The following ZZEF1 variants were observed in gnomAD, a reference collection of about 807,000 sequenced individuals.
ZZEF1 encodes zinc finger ZZ-type and EF-hand domain containing 1.
ZZEF1 carries 157 observed loss-of-function variants against 342.8 expected under a neutral mutation model. The ratio of observed to expected loss-of-function variants is 0.46; its 90% CI spans 0.40 to 0.52. The LOEUF (loss-of-function observed/expected upper bound fraction) is 0.52, where lower values mean the gene tolerates loss of function less well. ZZEF1 is among the 20% of genes least tolerant of loss of function. ZZEF1 has a pLI of 0.00. For synonymous variants in ZZEF1, 1,505 were observed against 1,429.1 expected (o/e 1.05, Z -1.20); for missense variants, 3,480 against 3,725.6 (o/e 0.93, Z 1.72).
At chr17:4,032,010 G>A in intron 42 of ZZEF1, 116 bp downstream of exon 42, 1 of 1,142,500 alleles carries the variant, frequency 8.8e-7, no homozygotes, top group South Asian at 1.6e-5. Context: ...GCTATAACTT[G>A]TTCTTTAAAA....
intron 21 of ZZEF1, chr17:4,076,424 C>T (rs1038615151): frequency 4.3e-4 from 204 of 469,798 alleles, no homozygotes; most frequent in Non-Finnish European, 6.4e-4. Flanking sequence ...TGAGCCACTG[C>T]GCCCGGCCTC....
intron 6 of ZZEF1, among the ~76,000 whole-genome samples, chr17:4,106,983 T>C (rs1467796004): frequency 1.3e-5 from 2 of 152,208 alleles, no homozygotes; most frequent in Non-Finnish European, 2.9e-5. Context: ...GTCTACACAA[T>C]GAGCCATTTT....
At chr17:4,089,660 T>C in intron 12 of ZZEF1, among the ~76,000 whole-genome samples, 1 of 125,580 alleles carries the variant, frequency 8.0e-6, no homozygotes, top group African/African-American at 3.1e-5. Flanking sequence ...CTCACTATTC[T>C]CTCAGCCTGA....
intron 38 of ZZEF1, among the ~76,000 whole-genome samples, chr17:4,042,910 G>T (rs1346015615): frequency 6.6e-6 from 1 of 152,210 alleles, no homozygotes; most frequent in Non-Finnish European, 1.5e-5. Context: ...TCGAACTCTT[G>T]ACCTCAAGTG....
chr17:4,007,687 G>T (rs543059805), intron 54 of ZZEF1, among the ~76,000 whole-genome samples: 1 of 152,160 alleles, frequency 6.6e-6, no homozygotes, highest in Non-Finnish European at 1.5e-5. Flanking sequence ...GGTAGCTGTT[G>T]GGGGTAAGGG....
Position 4,009,724 on chromosome 17 carries a change from C to G in ZZEF1, c.8613G>C (p.Leu2871=), listed in dbSNP as rs1309421874. Residue 2871 remains leucine, a synonymous_variant, in exon 53 of 55, where the codon CTG becomes CTC. Transcript: ENST00000381638. ...ACTCCATGTGGGTAAAGAGCTGCCA[C>G]AGGGGCTTCAACAGCGCAAGGTCAC... The part of the protein sequence containing the change: ...DLCDLALLKP[L]WQLFTHMEYG... 1.9e-6 allele frequency: 3 copies of G among 1,614,004 alleles called. No individual in the cohort carries two copies. The African/African-American group carries it at 4.0e-5, about 22-fold the overall frequency.
At chr17:4,072,311 A>G (rs1431841868) in intron 25 of ZZEF1, among the ~76,000 whole-genome samples, 1 of 152,268 alleles carries the variant, frequency 6.6e-6, no homozygotes, top group Non-Finnish European at 1.5e-5. Flanking sequence ...AGCTTGACTC[A>G]GTAGGCACTA....
chr17:4,033,187 T>A, intron 40 of ZZEF1, 185 bp from the exon 41 acceptor site: 1 of 568,950 alleles, frequency 1.8e-6, no homozygotes, highest in South Asian at 3.0e-5. Flanking sequence ...CAAGACTTGT[T>A]ACTTACATAC....
rs1477505101 is a variant in ZZEF1, at chr17:4,142,885, G to A, written c.11C>T (p.Ala4Val). ...TTCGTCTTCACTGCTGTGACTCGGA[G>A]CGTTCCCCATGGGGTCTCCGTCTTG... MGNAPSHSSEDEAA... is the reference protein window; with the variant it reads MGNVPSHSSEDEAA... Residue 4 changes from alanine (A) to valine (V), a missense_variant, in exon 1 of 55, where the codon GCT becomes GTT. Ala to Val is a moderately conservative substitution (Grantham distance 64, BLOSUM62 0). Around this residue, in one of 5 missense-constraint regions of ZZEF1, gnomAD observed 416 missense variants for 374.2 expected, o/e 1.11. Transcript: ENST00000381638. 1.5e-6 allele frequency: 2 copies of A among 1,364,930 alleles called. No individual in the cohort carries two copies. The highest frequency in any genetic ancestry group is 9.4e-7 in the Non-Finnish European group (1 of 1,068,240). 84.6% of individuals were successfully genotyped at this position (1,364,930 alleles called of 1,614,324 possible). A position where few individuals can be genotyped will look rare whatever the true frequency, so the allele number is the denominator to read the frequency against.
In ZZEF1 at chr17:4,142,610, T is replaced by C; in HGVS notation, c.286A>G (p.Thr96Ala). 6.2e-7 allele frequency: 1 copy of C among 1,604,694 alleles called. No individual in the cohort carries two copies. Among genetic ancestry groups the C allele is most frequent in the Middle Eastern group, 1.7e-4 (1 of 6,050 alleles). ...AGCAGCTCCCGGAACTGCTCCAGAG[T>C]GACAGACTCTTCGCCGCGGCCCAGC... ...ERLGRGEESVTLEQFRELLEA... is the reference protein window; with the variant it reads ...ERLGRGEESVALEQFRELLEA... Residue 96 changes from threonine (T) to alanine (A), a missense_variant, in exon 1 of 55, where the codon ACT (threonine) becomes GCT (alanine). Thr to Ala is a moderately conservative substitution (Grantham distance 58). Transcript: ENST00000381638.
intron 14 of ZZEF1, 51 bp downstream of exon 14, chr17:4,087,381 ACT>A: frequency 6.9e-7 from 1 of 1,450,684 alleles, no homozygotes; most frequent in South Asian, 1.3e-5. Context: ...GAATAGTAAA[ACT>A]CATTGTTTTC....
Position 4,044,274 on chromosome 17 carries a change from G to A in ZZEF1, c.6116C>T (p.Thr2039Ile). ...VSLSKDPSCQTQISDSPADAS... is the reference protein window; with the variant it reads ...VSLSKDPSCQIQISDSPADAS... Reference sequence around the variant, plus strand: ...ATCTGCAGGTGAATCTGAAATTTGGGTCTGGCATGAAGGATCCTTCGATAA... The same window carrying A: ...ATCTGCAGGTGAATCTGAAATTTGGATCTGGCATGAAGGATCCTTCGATAA... The change falls in exon 38 of 55, where the codon ACC (threonine) becomes ATC (isoleucine). Residue 2039 changes from threonine to isoleucine, a missense_variant. Physicochemically the swap from Thr to Ile is moderately conservative, Grantham distance 89 (BLOSUM62 -1). This residue lies in a region of ZZEF1 where 1,269 missense variants were observed against 1,342.4 expected (regional missense o/e 0.95). Transcript: ENST00000381638. The A allele has an allele frequency of 1.9e-6, 3 of 1,614,158 alleles. No individual in the cohort carries two copies. Among genetic ancestry groups the A allele is most frequent in the Non-Finnish European group, 2.5e-6 (3 of 1,180,010 alleles).
intron 18 of ZZEF1, among the ~76,000 whole-genome samples, chr17:4,078,305 CT>C (rs1326430545): frequency 6.6e-6 from 1 of 152,180 alleles, no homozygotes; most frequent in Non-Finnish European, 1.5e-5. Context: ...CCTTACCCCC[CT>C]GGGTATCTCT....
chr17:4,061,372 C>G (rs981156096), intron 30 of ZZEF1, among the ~76,000 whole-genome samples: 2 of 152,098 alleles, frequency 1.3e-5, no homozygotes, highest in Non-Finnish European at 2.9e-5. Flanking sequence ...TGCTTGACTT[C>G]TAGGTAAAGA....
rs547578661 is a variant in ZZEF1 at position 4,016,215 on chromosome 17, C to A, written c.8145+108G>T. 3,318 of 1,362,632 alleles carry A rather than the reference C, an allele frequency of 2.4e-3. No individual in the cohort carries two copies. Among genetic ancestry groups the A allele is most frequent in the Non-Finnish European group, 3.1e-3 (3,081 of 1,000,754 alleles). 84.4% of individuals were successfully genotyped at this position (1,362,632 alleles called of 1,614,324 possible). On this transcript the variant is annotated intron_variant, in intron 49 of 54. Transcript: ENST00000381638. The surrounding 1 kb of genome is among the most constrained non-coding windows in gnomAD (Gnocchi z 4.4). ...TCCTGGACAGGTCTCTGCTGTCCAG[C>A]GGGAGAGAGCCACAGAGGGGCTGAG...
Position 4,142,879 on chromosome 17 carries a change from C to T in ZZEF1, c.17G>A (p.Ser6Asn). 1 of 1,371,428 alleles carries T rather than the reference C, an allele frequency of 7.3e-7. No individual in the cohort carries two copies. The highest frequency in any genetic ancestry group is 9.3e-7 in the Non-Finnish European group (1 of 1,071,522). 85.0% of individuals were successfully genotyped at this position (1,371,428 alleles called of 1,614,324 possible). MGNAP[S>N]HSSEDEAAAA... ...TGCCGCTTCGTCTTCACTGCTGTGA[C>T]TCGGAGCGTTCCCCATGGGGTCTCC... The change falls in exon 1 of 55, where the codon AGT (serine) becomes AAT (asparagine). Residue 6 changes from serine to asparagine, a missense_variant. Physicochemically the swap from Ser to Asn is conservative, Grantham distance 46. This residue lies in a region of ZZEF1 where 416 missense variants were observed against 374.2 expected (regional missense o/e 1.11). Transcript: ENST00000381638.
rs1206423490 is a variant in ZZEF1 at position 4,034,097 on chromosome 17, C to T, written c.6502G>A (p.Ala2168Thr). ...KVLSAKHNLF[A>T]AGDSSIVPDG... ...GGCACAATGGAACTGTCCCCTGCAG[C>T]AAACAGGTTGTGTTTGGCTGAGAGG... is the stretch of plus-strand genomic sequence containing the variant. The change falls in exon 40 of 55, where the codon GCT becomes ACT. Residue 2168 changes from alanine to threonine, a missense_variant. By Grantham distance (58) the Ala-to-Thr change is moderately conservative. This residue lies in a region of ZZEF1 where 1,269 missense variants were observed against 1,342.4 expected (regional missense o/e 0.95). Transcript: ENST00000381638. 1 of 1,614,100 alleles carries T rather than the reference C, an allele frequency of 6.2e-7. No homozygotes were observed.
At position 4,101,466 on chromosome 17, in the gene ZZEF1, C is replaced by A. The variant is rs114909935; in HGVS notation, c.1672+851G>T. 5.3e-3 allele frequency among the ~76,000 whole-genome samples: 799 copies of A among 152,132 alleles called. 10 individuals carry two copies. The highest frequency in any genetic ancestry group is 0.018 in the African/African-American group (764 of 41,474). On this transcript the variant is annotated intron_variant, in intron 9 of 54. Transcript: ENST00000381638. ...GACAATAACAAGGCGGCCAACAAGA[C>A]GAATGAGAGACTCACAAACACCTTA... is the stretch of plus-strand genomic sequence containing the variant.
intron 31 of ZZEF1, among the ~76,000 whole-genome samples, chr17:4,058,571 T>C (rs548331603): frequency 6.6e-6 from 1 of 152,334 alleles, no homozygotes; most frequent in Non-Finnish European, 1.5e-5. Context: ...GTTTTCAAAC[T>C]GTACATAATA....
Sources: allele counts gnomAD v4.1 joint callset (sites outside exome capture counted in the v4.1 genomes callset), GRCh38; gene constraint gnomAD v4.1.1; regional missense constraint gnomAD v4.1.1; non-coding constraint Gnocchi (gnomAD v3.1); transcripts MANE v1.5; gene names NCBI Gene and HGNC (gene_info 2026-07-23, HGNC 2026-07-21).